HSD17B12: variants seen among roughly 807,000 people sequenced by gnomAD.
HSD17B12 encodes the protein hydroxysteroid 17-beta dehydrogenase 12.
Under a neutral mutation model 39.3 loss-of-function variants are expected in HSD17B12, and 32 were observed. That is an observed-to-expected ratio of 0.81 (90% CI 0.61 to 1.09). HSD17B12 has a LOEUF of 1.09. Ranked by LOEUF, HSD17B12 falls within the 50% of genes least tolerant of loss-of-function variation. HSD17B12 has a pLI of 0.00. For synonymous variants in HSD17B12, 150 were observed against 146.7 expected, an observed-to-expected ratio of 1.02 and a Z score of -0.16; for missense variants, 342 against 382.9, an observed-to-expected ratio of 0.89 and a Z score of 0.89.
intron 3 of HSD17B12, among the ~76,000 whole-genome samples, chr11:43,791,312 A>C (rs1484021794): frequency 6.6e-6 from 1 of 152,152 alleles, no homozygotes; most frequent in African/African-American, 2.4e-5. Context: ...CAGGCGGATC[A>C]CCTGAGGTCA....
chr11:43,774,218 A>ATT (rs879934677), intron 3 of HSD17B12, among the ~76,000 whole-genome samples: 6 of 145,748 alleles, frequency 4.1e-5, no homozygotes, highest in African/African-American at 1.0e-4. Flanking sequence ...AGACTTTGTA[A>ATT]TTTTTTTTTT....
intron 4 of HSD17B12, among the ~76,000 whole-genome samples, chr11:43,809,751 C>T (rs553620750): frequency 2.6e-5 from 4 of 152,142 alleles, no homozygotes; most frequent in African/African-American, 7.2e-5. Context: ...ACCCAGGAGA[C>T]GGATTGCAGT....
intron 6 of HSD17B12, among the ~76,000 whole-genome samples, chr11:43,817,034 CTATATCTATATA>C (rs1224491691): frequency 9.5e-3 from 167 of 17,524 alleles, no homozygotes; most frequent in East Asian, 0.016. Context: ...ATATCTATAT[CTATATCTATATA>C]TATATATATA....
chr11:43,594,538 T>C, the HSD17B12 span, among the ~76,000 whole-genome samples: 3 of 151,758 alleles, frequency 2.0e-5, no homozygotes, highest in East Asian at 5.8e-4. Flanking sequence ...TTTTTTTTTT[T>C]TCCTTCCTTT....
At chr11:43,601,497 G>A in the HSD17B12 span, among the ~76,000 whole-genome samples, 4 of 113,030 alleles carry the variant, frequency 3.5e-5, no homozygotes, top group East Asian at 1.3e-3. Flanking sequence ...TACAGTTAAA[G>A]AGCTTTTTTT....
At chr11:43,735,439 A>G (rs1950307812) in intron 1 of HSD17B12, among the ~76,000 whole-genome samples, 1 of 152,152 alleles carries the variant, frequency 6.6e-6, no homozygotes, top group Non-Finnish European at 1.5e-5. Flanking sequence ...CTTAATTTAC[A>G]TTTTAAAAAA....
intron 1 of HSD17B12, among the ~76,000 whole-genome samples, chr11:43,706,405 T>C (rs1950015468): frequency 6.6e-6 from 1 of 152,086 alleles, no homozygotes; most frequent in African/African-American, 2.4e-5. Flanking sequence ...TTAGCCGTCA[T>C]GAGGATGCAT....
chr11:43,602,291 C>T, the HSD17B12 span, among the ~76,000 whole-genome samples: 1 of 152,220 alleles, frequency 6.6e-6, no homozygotes. Context: ...TACCCCACCC[C>T]ACGTTCCCCA....
At chr11:43,826,128 G>T (rs1330473055) in intron 6 of HSD17B12, among the ~76,000 whole-genome samples, 9 of 148,480 alleles carry the variant, frequency 6.1e-5, no homozygotes, top group African/African-American at 2.3e-4. Flanking sequence ...TGTCGCCAAG[G>T]CTGGAGTGCA....
intron 1 of HSD17B12, among the ~76,000 whole-genome samples, chr11:43,742,099 T>C (rs1950370914): frequency 7.0e-6 from 1 of 142,924 alleles, no homozygotes; most frequent in African/African-American, 2.6e-5. Context: ...ACATATAGCT[T>C]TAAGGCAAAG....
At chr11:43,853,651 T>C (rs1198799468) in intron 9 of HSD17B12, 1 of 152,222 alleles carries the variant, frequency 6.6e-6, no homozygotes, top group African/African-American at 2.4e-5. Flanking sequence ...TAGCTGGGCA[T>C]GGTGGTGCAC....
chr11:43,654,166 T>C, the HSD17B12 span, among the ~76,000 whole-genome samples: 1 of 152,244 alleles, frequency 6.6e-6, no homozygotes, highest in Non-Finnish European at 1.5e-5. Context: ...CATTTTTTCA[T>C]GTGTTTTTTG....
chr11:43,581,067 G>T, the HSD17B12 span, among the ~76,000 whole-genome samples: 13 of 152,260 alleles, frequency 8.5e-5, no homozygotes, highest in African/African-American at 3.1e-4. The surrounding 1 kb of genome is among the most constrained non-coding windows in gnomAD (Gnocchi z 4.9). Context: ...ACTCTGATAG[G>T]GAGATAGAGG....
chr11:43,566,548 T>C, the HSD17B12 span, among the ~76,000 whole-genome samples: 3 of 150,828 alleles, frequency 2.0e-5, no homozygotes, highest in East Asian at 6.1e-4. Context: ...TTTTTTTTTT[T>C]AGATGGATTC....
chr11:43,622,574 A>G, the HSD17B12 span, among the ~76,000 whole-genome samples: 1 of 152,160 alleles, frequency 6.6e-6, no homozygotes, highest in East Asian at 1.9e-4. Context: ...AGATAAAGTG[A>G]TAAGGAAGGT....
chr11:43,744,370 G>C (rs1352033233), intron 1 of HSD17B12, among the ~76,000 whole-genome samples: 1 of 151,946 alleles, frequency 6.6e-6, no homozygotes, highest in Non-Finnish European at 1.5e-5. Flanking sequence ...AAAAAAAGCA[G>C]GTTACATAGA....
At chr11:43,755,007 C>A in intron 3 of HSD17B12, 1 of 597,598 alleles carries the variant, frequency 1.7e-6, no homozygotes. Context: ...AGTTTGCTGA[C>A]CATTTGTGGC....
the HSD17B12 span, among the ~76,000 whole-genome samples, chr11:43,619,389 C>CT: frequency 2.5e-5 from 3 of 119,632 alleles, no homozygotes; most frequent in East Asian, 4.3e-4. Flanking sequence ...TTTTCTTTTT[C>CT]TTTTCTTTTT....
the HSD17B12 span, among the ~76,000 whole-genome samples, chr11:43,593,610 C>T: frequency 5.3e-5 from 8 of 152,086 alleles, no homozygotes; most frequent in African/African-American, 1.9e-4. Context: ...AGAGAAAGAA[C>T]TGACTTTATC....
Sources: gnomAD v4.1 joint callset for allele counts (sites outside exome capture counted in the v4.1 genomes callset) on GRCh38, gnomAD v4.1.1 for gene constraint, Gnocchi (gnomAD v3.1) non-coding constraint, MANE v1.5 for transcripts, NCBI Gene and HGNC (gene_info 2026-07-23, HGNC 2026-07-21) for gene names.